LYPLAL1: variants seen among roughly 807,000 people sequenced by gnomAD.
LYPLAL1 encodes lysophospholipase-like protein 1.
LYPLAL1 carries 23 observed loss-of-function variants against 19.7 expected under a neutral mutation model. That is an observed-to-expected ratio of 1.17 (90% CI 0.84 to 1.65). The LOEUF is 1.65. LYPLAL1 is among the 40% of genes most tolerant of loss of function. The probability of loss-of-function intolerance (pLI) is 0.00; values close to 1 mark genes in which losing one functional copy is unlikely to be tolerated. For missense variants in LYPLAL1, 355 were observed against 279.4 expected, an observed-to-expected ratio of 1.27 and a Z score of -1.93; for synonymous variants, 119 against 96.3, an observed-to-expected ratio of 1.24 and a Z score of -1.38.
chr1:219,199,073 G>T (rs577174565), intron 3 of LYPLAL1, among the ~76,000 whole-genome samples: 1 of 152,176 alleles, frequency 6.6e-6, no homozygotes, highest in East Asian at 1.9e-4. Context: ...ATACCAAGTA[G>T]TATGCGTACT....
chr1:219,257,608 G>A, the LYPLAL1 span, among the ~76,000 whole-genome samples: 16 of 152,002 alleles, frequency 1.1e-4, no homozygotes. Flanking sequence ...GGGACTGTAT[G>A]AACTGGGAGT....
the LYPLAL1 span, among the ~76,000 whole-genome samples, chr1:219,404,592 T>A: frequency 6.6e-6 from 1 of 152,052 alleles, no homozygotes; most frequent in Non-Finnish European, 1.5e-5. Flanking sequence ...TAGGGCCCTA[T>A]GAAAACACAC....
the LYPLAL1 span, among the ~76,000 whole-genome samples, chr1:219,386,520 C>T: frequency 6.6e-6 from 1 of 152,112 alleles, no homozygotes; most frequent in East Asian, 1.9e-4. Flanking sequence ...GCTTTTTAGT[C>T]TCCTTTGTTA....
chr1:219,443,426 A>C, the LYPLAL1 span, among the ~76,000 whole-genome samples: 1 of 152,206 alleles, frequency 6.6e-6, no homozygotes, highest in Non-Finnish European at 1.5e-5. Flanking sequence ...CATTTTAATA[A>C]TTCTTATAAT....
the LYPLAL1 span, among the ~76,000 whole-genome samples, chr1:219,364,218 G>A: frequency 7.2e-5 from 11 of 152,100 alleles, no homozygotes; most frequent in Non-Finnish European, 1.5e-4. Context: ...AATAACCCAA[G>A]TCTAGCTCTA....
downstream of LYPLAL1, among the ~76,000 whole-genome samples, chr1:219,215,154 C>G (rs1659243579): frequency 6.6e-6 from 1 of 152,020 alleles, no homozygotes; most frequent in Non-Finnish European, 1.5e-5. Context: ...TCTTGGAGTG[C>G]AAATCTGGTG....
chr1:219,214,282 T>C (rs866149400), downstream of LYPLAL1, among the ~76,000 whole-genome samples: 2 of 152,156 alleles, frequency 1.3e-5, no homozygotes, highest in East Asian at 3.9e-4. Context: ...ACTAATATTT[T>C]GTTAAGGATG....
At chr1:219,395,872 G>C in the LYPLAL1 span, among the ~76,000 whole-genome samples, 1 of 152,106 alleles carries the variant, frequency 6.6e-6, no homozygotes, top group Non-Finnish European at 1.5e-5. Context: ...GGGAGGCCGA[G>C]GCAGGCGGAT....
chr1:219,229,651 C>G, the LYPLAL1 span, among the ~76,000 whole-genome samples: 65 of 152,236 alleles, frequency 4.3e-4, no homozygotes, highest in African/African-American at 1.5e-3. Context: ...CTGTAATACA[C>G]GCCCACTAGG....
the LYPLAL1 span, among the ~76,000 whole-genome samples, chr1:219,248,677 C>T: frequency 3.9e-5 from 6 of 152,020 alleles, no homozygotes; most frequent in East Asian, 1.9e-4. Flanking sequence ...AGACTGCATT[C>T]GATGTAAAAT....
intron 3 of LYPLAL1, among the ~76,000 whole-genome samples, chr1:219,194,480 A>G (rs989450680): frequency 6.6e-6 from 1 of 152,042 alleles, no homozygotes; most frequent in Non-Finnish European, 1.5e-5. Flanking sequence ...TAAGTAAAGC[A>G]AGATCTATCT....
chr1:219,175,837 A>C (rs1277198244), intron 1 of LYPLAL1, among the ~76,000 whole-genome samples: 1 of 152,146 alleles, frequency 6.6e-6, no homozygotes, highest in East Asian at 1.9e-4. Flanking sequence ...ATGTTATAGG[A>C]GATGTTTGGT....
At chr1:219,443,501 A>C in the LYPLAL1 span, among the ~76,000 whole-genome samples, 2 of 152,220 alleles carry the variant, frequency 1.3e-5, no homozygotes, top group African/African-American at 2.4e-5. Context: ...CTCATTTGAT[A>C]ATATAAGATG....
At chr1:219,205,862 G>A (rs1173739584) in intron 3 of LYPLAL1, among the ~76,000 whole-genome samples, 2 of 152,094 alleles carry the variant, frequency 1.3e-5, no homozygotes, top group Non-Finnish European at 2.9e-5. Context: ...GACTTTAAAG[G>A]CTCTGGACTG....
In LYPLAL1 at chr1:219,173,948, C is replaced by G; in HGVS notation, c.58C>G (p.His20Asp). 2 of 1,614,000 alleles carry G rather than the reference C, an allele frequency of 1.2e-6. No individual in the cohort carries two copies. Among genetic ancestry groups the G allele is most frequent in the Admixed American group, 1.7e-5 (1 of 60,034 alleles). ...QRCIVSPAGRHSASLIFLHGS... is the reference protein window; with the variant it reads ...QRCIVSPAGRDSASLIFLHGS... ...CTGTATCGTGTCGCCGGCAGGGAGG[C>G]ATAGCGCCTCTCTGATCTTCCTGCA... Residue 20 changes from histidine to aspartate, a missense_variant, in exon 1 of 5, where the codon CAT becomes GAT. Coordinates refer to ENST00000366928, the MANE Select transcript of LYPLAL1 (RefSeq NM_138794.5).
the LYPLAL1 span, among the ~76,000 whole-genome samples, chr1:219,301,785 C>T: frequency 1.3e-5 from 2 of 152,048 alleles, no homozygotes; most frequent in South Asian, 2.1e-4. Context: ...TTTAAATGTA[C>T]ATTTTAATTC....
chr1:219,230,580 A>G, the LYPLAL1 span, among the ~76,000 whole-genome samples: 1 of 152,228 alleles, frequency 6.6e-6, no homozygotes, highest in East Asian at 1.9e-4. Context: ...GTATCAAGCT[A>G]ATCTTATGGC....
chr1:219,247,511 C>T, the LYPLAL1 span, among the ~76,000 whole-genome samples: 1 of 152,144 alleles, frequency 6.6e-6, no homozygotes, highest in Non-Finnish European at 1.5e-5. Context: ...AGCAATAGCT[C>T]TTTCCCTTAT....
At chr1:219,235,730 G>A in the LYPLAL1 span, among the ~76,000 whole-genome samples, 1 of 152,194 alleles carries the variant, frequency 6.6e-6, no homozygotes, top group East Asian at 1.9e-4. Flanking sequence ...AAGATTTTTC[G>A]ATGCCAATAT....
Sources: allele counts gnomAD v4.1 joint callset (sites outside exome capture counted in the v4.1 genomes callset), GRCh38; gene constraint gnomAD v4.1.1; transcripts MANE v1.5; gene names NCBI Gene and HGNC (gene_info 2026-07-23, HGNC 2026-07-21).